GABRG3: variants seen among roughly 807,000 people sequenced by gnomAD.
GABRG3 encodes gamma-aminobutyric acid type A receptor subunit gamma3.
GABRG3 carries 25 observed loss-of-function variants against 48.8 expected under a neutral mutation model. The observed-to-expected ratio is 0.51, with a 90% CI of 0.37 to 0.72. The LOEUF is 0.72. GABRG3 is among the 30% of genes least tolerant of loss of function. The probability of loss-of-function intolerance (pLI) is 0.00; values close to 1 mark genes in which losing one functional copy is unlikely to be tolerated. For missense variants in GABRG3, 394 were observed against 577.9 expected (o/e 0.68, Z 3.26); for synonymous variants, 227 against 217.6 (o/e 1.04, Z -0.38).
intron 5 of GABRG3, among the ~76,000 whole-genome samples, chr15:27,403,054 A>G (rs530653373): frequency 2.6e-5 from 4 of 152,306 alleles, no homozygotes; most frequent in African/African-American, 9.6e-5. Context: ...TAAGTAAAAG[A>G]TAAGATATAA....
intron 3 of GABRG3, among the ~76,000 whole-genome samples, chr15:27,177,012 T>A (rs56120010): frequency 6.6e-6 from 1 of 151,922 alleles, no homozygotes; most frequent in Admixed American, 6.5e-5. Flanking sequence ...TGCAAGGCTA[T>A]TTAGTGGGAG....
chr15:26,971,619 GC>G (rs1894845996), intron 1 of GABRG3, 31 bp downstream of exon 1: 2 of 1,519,314 alleles, frequency 1.3e-6, no homozygotes, highest in African/African-American at 1.4e-5. Flanking sequence ...ATCCCCGGAG[GC>G]CCCGAGCTGG....
chr15:27,431,609 G>A (rs1004100423), intron 5 of GABRG3, among the ~76,000 whole-genome samples: 12 of 152,156 alleles, frequency 7.9e-5, no homozygotes, highest in African/African-American at 2.9e-4. Context: ...GAAGGGGGAA[G>A]GATTCCGTTT....
In GABRG3 at chr15:27,406,916, T is replaced by G. The variant is rs529597860; in HGVS notation, c.575-73734T>G. 4.6e-5 allele frequency among the ~76,000 whole-genome samples: 7 copies of G among 152,206 alleles called. No individual in the cohort carries two copies. In the East Asian group the frequency reaches 7.8e-4, roughly 17 times the overall value. ...CTGATACTATTCTAAAGCAAATTTT[T>G]TTTCTTTTTGTTGTTGTTGTTGTTG... is the stretch of plus-strand genomic sequence containing the variant. On this transcript the variant is annotated intron_variant, in intron 5 of 9. Coordinates refer to ENST00000615808, the MANE Select transcript of GABRG3 (RefSeq NM_033223.5).
intron 5 of GABRG3, among the ~76,000 whole-genome samples, chr15:27,373,280 G>A (rs757453979): frequency 5.9e-5 from 9 of 152,158 alleles, no homozygotes; most frequent in Non-Finnish European, 1.3e-4. Context: ...ACTGTCAAGT[G>A]TTTTTATCAA....
chr15:27,147,707 A>G (rs894825296), intron 3 of GABRG3, among the ~76,000 whole-genome samples: 3 of 152,020 alleles, frequency 2.0e-5, no homozygotes, highest in African/African-American at 4.8e-5. Context: ...AAATTAACCA[A>G]TATACACCAA....
intron 3 of GABRG3, among the ~76,000 whole-genome samples, chr15:27,124,970 A>T (rs1897793750): frequency 6.6e-6 from 1 of 152,168 alleles, no homozygotes; most frequent in Non-Finnish European, 1.5e-5. Flanking sequence ...GCACTCTGGT[A>T]CTATTCTTCC....
chr15:27,382,316 G>T (rs9744959), intron 5 of GABRG3, among the ~76,000 whole-genome samples: 60,282 of 151,972 alleles, frequency 0.4, 12,171 homozygotes, highest in East Asian at 0.49. Context: ...GGAGACAAGA[G>T]GTAGGGAGAA....
rs1369623963 is a variant in GABRG3, at chr15:27,065,168, G to A, written c.270+38347G>A. ...CTCAGGAGGAAAGGCTGTTTATGGC[G>A]GTCTACTTTTTACTCACCATAACGA... On this transcript the variant is annotated intron_variant, in intron 3 of 9. Transcript: ENST00000615808. Among the ~76,000 whole-genome samples the A allele has an allele frequency of 7.9e-5, 12 of 152,022 alleles. No individual in the cohort carries two copies. In the South Asian group the frequency reaches 8.3e-4, roughly 11 times the overall value.
At chr15:27,297,897 A>G (rs1892055587) in intron 3 of GABRG3, among the ~76,000 whole-genome samples, 2 of 152,134 alleles carry the variant, frequency 1.3e-5, no homozygotes, top group South Asian at 4.1e-4. Flanking sequence ...ACTTGAATAA[A>G]TTGGAATAAA....
At chr15:26,985,164 C>G (rs1366488028) in intron 2 of GABRG3, among the ~76,000 whole-genome samples, 1 of 152,196 alleles carries the variant, frequency 6.6e-6, no homozygotes, top group Admixed American at 6.5e-5. Context: ...GAGATCCCAG[C>G]CTCCTCCTCT....
intron 5 of GABRG3, among the ~76,000 whole-genome samples, chr15:27,380,856 C>T (rs984501239): frequency 2.0e-5 from 3 of 151,296 alleles, no homozygotes; most frequent in Admixed American, 6.6e-5. Flanking sequence ...AGCTCTGCCT[C>T]CTGGGTTCAC....
chr15:27,262,518 C>T (rs1008024399), intron 3 of GABRG3, among the ~76,000 whole-genome samples: 1 of 152,198 alleles, frequency 6.6e-6, no homozygotes, highest in African/African-American at 2.4e-5. Flanking sequence ...TCATTGCCGC[C>T]CCTACCCCAT....
chr15:27,304,918 A>AT (rs1026140785), intron 3 of GABRG3, among the ~76,000 whole-genome samples: 9 of 151,904 alleles, frequency 5.9e-5, no homozygotes, highest in South Asian at 2.1e-4. Context: ...TATGATTTGC[A>AT]TTTTTTTCTC....
At chr15:27,193,445 C>T (rs941843522) in intron 3 of GABRG3, among the ~76,000 whole-genome samples, 6 of 152,078 alleles carry the variant, frequency 3.9e-5, no homozygotes, top group African/African-American at 1.4e-4. Context: ...CCCCCAGCCT[C>T]ACTGCCGCCT....
intron 5 of GABRG3, among the ~76,000 whole-genome samples, chr15:27,476,129 A>G (rs1889934353): frequency 6.6e-6 from 1 of 152,234 alleles, no homozygotes; most frequent in African/African-American, 2.4e-5. Flanking sequence ...AAATTAGTCC[A>G]GGAAAGTCAC....
chr15:27,076,273 A>C (rs1896907994), intron 3 of GABRG3, among the ~76,000 whole-genome samples: 1 of 150,818 alleles, frequency 6.6e-6, no homozygotes. Context: ...GCAGCAGCTG[A>C]CATGTTTATA....
At chr15:27,117,676 A>G (rs928583125) in intron 3 of GABRG3, among the ~76,000 whole-genome samples, 3 of 152,170 alleles carry the variant, frequency 2.0e-5, no homozygotes, top group African/African-American at 7.2e-5. Context: ...TCATCTGCTA[A>G]TACTATTTCT....
chr15:27,509,184 G>T (rs148547248), intron 6 of GABRG3, among the ~76,000 whole-genome samples: 1 of 152,102 alleles, frequency 6.6e-6, no homozygotes, highest in African/African-American at 2.4e-5. Flanking sequence ...AGTCTGCTGT[G>T]AATCTTATCC....
Sources: gnomAD v4.1 joint callset for allele counts (sites outside exome capture counted in the v4.1 genomes callset) on GRCh38, gnomAD v4.1.1 for gene constraint, MANE v1.5 for transcripts, NCBI Gene and HGNC (gene_info 2026-07-23, HGNC 2026-07-21) for gene names.